Variants in ENTREP2 observed in about 807,000 individuals in gnomAD.
ENTREP2 encodes the protein endosomal transmembrane epsin interactor 2, also known as protein ENTREP2.
the ENTREP2 span, chr15:29,151,934 T>C: frequency 4.6e-6 from 4 of 873,812 alleles, no homozygotes; most frequent in Non-Finnish European, 7.5e-6. Flanking sequence ...TGAGCCGAGG[T>C]CGATGACCAT....
At chr15:29,322,357 G>A in the ENTREP2 span, among the ~76,000 whole-genome samples, 1 of 152,206 alleles carries the variant, frequency 6.6e-6, no homozygotes, top group East Asian at 1.9e-4. Flanking sequence ...ACATTGTGCA[G>A]TAGATCTCCT....
chr15:29,472,197 C>T, the ENTREP2 span, among the ~76,000 whole-genome samples: 4 of 152,104 alleles, frequency 2.6e-5, no homozygotes, highest in African/African-American at 9.7e-5. Context: ...GTTACCTTGT[C>T]TCCAACTCTG....
the ENTREP2 span, among the ~76,000 whole-genome samples, chr15:29,581,607 T>C: frequency 6.6e-6 from 1 of 152,114 alleles, no homozygotes; most frequent in Non-Finnish European, 1.5e-5. Flanking sequence ...TGGAGAGGCA[T>C]AGTGTATTCA....
chr15:29,643,145 A>T, the ENTREP2 span, among the ~76,000 whole-genome samples: 1 of 151,634 alleles, frequency 6.6e-6, no homozygotes, highest in Admixed American at 6.6e-5. Context: ...AAGCACAAGA[A>T]GCAAAACCAA....
At chr15:29,220,624 GAA>G in the ENTREP2 span, among the ~76,000 whole-genome samples, 1 of 152,000 alleles carries the variant, frequency 6.6e-6, no homozygotes, top group Non-Finnish European at 1.5e-5. Flanking sequence ...AACTTACATC[GAA>G]AAATATATAT....
the ENTREP2 span, among the ~76,000 whole-genome samples, chr15:29,617,052 G>A: frequency 2.0e-5 from 3 of 152,022 alleles, no homozygotes; most frequent in South Asian, 2.1e-4. Context: ...TGAGTGAGAC[G>A]CCCTCTCAAA....
At chr15:29,257,391 C>T in the ENTREP2 span, among the ~76,000 whole-genome samples, 1 of 152,072 alleles carries the variant, frequency 6.6e-6, no homozygotes, top group African/African-American at 2.4e-5. Context: ...ATTTATTAAG[C>T]CAGATCCCTA....
the ENTREP2 span, among the ~76,000 whole-genome samples, chr15:29,557,413 T>C: frequency 3.9e-5 from 6 of 152,270 alleles, no homozygotes; most frequent in South Asian, 1.2e-3. Flanking sequence ...CAGTTGAGGA[T>C]CCCAGGGAGC....
chr15:29,209,355 A>G, the ENTREP2 span, among the ~76,000 whole-genome samples: 1 of 152,074 alleles, frequency 6.6e-6, no homozygotes, highest in African/African-American at 2.4e-5. Context: ...TACAAAGATT[A>G]GCTGGGCGTG....
chr15:29,325,337 C>T, the ENTREP2 span, among the ~76,000 whole-genome samples: 1 of 151,622 alleles, frequency 6.6e-6, no homozygotes, highest in East Asian at 1.9e-4. Flanking sequence ...AAAATTAAGG[C>T]AGAAATCTGA....
chr15:29,455,948 T>C, the ENTREP2 span, among the ~76,000 whole-genome samples: 2 of 152,208 alleles, frequency 1.3e-5, no homozygotes, highest in African/African-American at 4.8e-5. Flanking sequence ...CAGATGAAAC[T>C]GTCCAGTTGC....
the ENTREP2 span, among the ~76,000 whole-genome samples, chr15:29,599,524 T>G: frequency 6.6e-6 from 1 of 152,262 alleles, no homozygotes; most frequent in South Asian, 2.1e-4. Context: ...ATCAGGTTCC[T>G]GGGTCCACTA....
At chr15:29,588,754 T>G in the ENTREP2 span, among the ~76,000 whole-genome samples, 3 of 151,584 alleles carry the variant, frequency 2.0e-5, no homozygotes, top group African/African-American at 7.3e-5. Flanking sequence ...TCCTAGCACT[T>G]TGGGAGGCTG....
chr15:29,134,475 G>GC, the ENTREP2 span, among the ~76,000 whole-genome samples: 1 of 152,180 alleles, frequency 6.6e-6, no homozygotes, highest in Non-Finnish European at 1.5e-5. Context: ...TGTGCTGGGG[G>GC]CTCACGGGCC....
At chr15:29,187,787 G>A in the ENTREP2 span, among the ~76,000 whole-genome samples, 1 of 152,230 alleles carries the variant, frequency 6.6e-6, no homozygotes, top group Admixed American at 6.5e-5. Context: ...GAAAAAGACA[G>A]GAGAAATGCC....
At chr15:29,438,451 A>G in the ENTREP2 span, among the ~76,000 whole-genome samples, 2 of 152,180 alleles carry the variant, frequency 1.3e-5, no homozygotes, top group Admixed American at 1.3e-4. Flanking sequence ...AAAGTGTCAC[A>G]GGACCTCCCT....
At chr15:29,632,690 C>A in the ENTREP2 span, among the ~76,000 whole-genome samples, 1 of 152,160 alleles carries the variant, frequency 6.6e-6, no homozygotes, top group African/African-American at 2.4e-5. Context: ...AAGGCTGAAG[C>A]AGGGAGAATT....
the ENTREP2 span, among the ~76,000 whole-genome samples, chr15:29,527,402 G>T: frequency 7.8e-4 from 119 of 152,284 alleles, no homozygotes; most frequent in South Asian, 4.4e-3. Flanking sequence ...ACGATCAGCT[G>T]ATGAGTCTTT....
At chr15:29,523,355 T>TA in the ENTREP2 span, among the ~76,000 whole-genome samples, 4 of 152,072 alleles carry the variant, frequency 2.6e-5, no homozygotes, top group Non-Finnish European at 4.4e-5. Context: ...TATAACAGCA[T>TA]AAAAAATACA....
Sources: gnomAD v4.1 joint callset for allele counts (sites outside exome capture counted in the v4.1 genomes callset) on GRCh38, gnomAD v4.1.1 for gene constraint, MANE v1.5 for transcripts, NCBI Gene and HGNC (gene_info 2026-07-23, HGNC 2026-07-21) for gene names.